AHNAK: variants seen among roughly 807,000 people sequenced by gnomAD.
AHNAK encodes neuroblast differentiation-associated protein AHNAK.
Under a neutral mutation model 37.8 loss-of-function variants are expected in AHNAK, and 23 were observed. That is an observed-to-expected ratio of 0.61 (90% CI 0.44 to 0.86). The LOEUF is 0.86. Among genes scored for constraint, AHNAK ranks in the 40% least tolerant of loss-of-function variants. The probability of loss-of-function intolerance (pLI) is 0.00; values close to 1 mark genes in which losing one functional copy is unlikely to be tolerated. For missense variants in AHNAK, 7,411 were observed against 7,319.4 expected (o/e 1.01, Z -0.46); for synonymous variants, 2,481 against 2,636.3 (o/e 0.94, Z 1.80).
Position 62,535,842 on chromosome 11 carries a change from C to T in AHNAK, c.154+103G>A, listed in dbSNP as rs945386281. On this transcript the variant is annotated intron_variant, in intron 3 of 4. Transcript: ENST00000378024. ...CCTGATGCCACTGGGAATGGGCCCT[C>T]GACAGCCACTCACCCACTTCTGCCT... 55 of 1,444,322 alleles carry T rather than the reference C, an allele frequency of 3.8e-5. No homozygotes were observed. In the East Asian group the frequency reaches 1.3e-3, roughly 33 times the overall value. 89.5% of individuals were successfully genotyped at this position (1,444,322 alleles called of 1,614,324 possible). A position where few individuals can be genotyped will look rare whatever the true frequency, so the allele number is the denominator to read the frequency against.
At chr11:62,487,226 C>T (rs1939412249) in intron 5 of AHNAK, among the ~76,000 whole-genome samples, 2 of 152,192 alleles carry the variant, frequency 1.3e-5, no homozygotes. Flanking sequence ...AAACGCTGCC[C>T]AGGCAATAGT....
At position 62,465,967 on chromosome 11, in the gene AHNAK, G is replaced by A. The variant is rs542267209; in HGVS notation, c.442+25765C>T. ...GAACAATAAGTGGCTGTTGTTCAAA[G>A]CCACTCAGTTTGTGATAATTATAGC... On this transcript the variant is annotated intron_variant, in intron 5 of 5. Coordinates refer to the AHNAK transcript ENST00000257247. 5.3e-5 allele frequency among the ~76,000 whole-genome samples: 8 copies of A among 152,290 alleles called. No individual in the cohort carries two copies. The East Asian group carries it at 1.5e-3, about 29-fold the overall frequency.
chr11:62,543,589 G>A (rs770615561), intron 1 of AHNAK, among the ~76,000 whole-genome samples: 1 of 152,180 alleles, frequency 6.6e-6, no homozygotes, highest in East Asian at 1.9e-4. Flanking sequence ...GGAGGAAAAG[G>A]GGCTTCATTC....
intron 5 of AHNAK, among the ~76,000 whole-genome samples, chr11:62,459,693 C>T (rs1392308083): frequency 6.6e-6 from 1 of 152,150 alleles, no homozygotes; most frequent in Non-Finnish European, 1.5e-5. Flanking sequence ...ACAAAAGAGC[C>T]TTAAGGCATC....
intron 5 of AHNAK, among the ~76,000 whole-genome samples, chr11:62,474,137 A>T (rs1939096400): frequency 2.0e-5 from 3 of 151,988 alleles, no homozygotes; most frequent in Admixed American, 2.0e-4. Flanking sequence ...TAAAAATTAG[A>T]AATGCAATGA....
chr11:62,445,366 AATGTTGTGGAATACTG>A (rs1484699107), intron 5 of AHNAK, among the ~76,000 whole-genome samples: 1 of 152,146 alleles, frequency 6.6e-6, no homozygotes, highest in Non-Finnish European at 1.5e-5. Context: ...ACCAGCTTTA[AATGTTGTGGAATACTG>A]AGCTCATATA....
At chr11:62,437,081 G>C (rs987715963) in intron 5 of AHNAK, among the ~76,000 whole-genome samples, 1 of 151,942 alleles carries the variant, frequency 6.6e-6, no homozygotes, top group Non-Finnish European at 1.5e-5. Context: ...ACCCCAAAAC[G>C]TTCCCTCATG....
chr11:62,525,472 T>A lies in AHNAK; in HGVS notation c.8945A>T (p.Asp2982Val), dbSNP rs1327059086. Residue 2982 changes from aspartate (D) to valine (V), a missense_variant, in exon 5 of 5, where the codon GAT becomes GTT. Transcript: ENST00000378024. ...LKGPKVKGDV[D>V]ISLPKVEGDL... The stretch of plus-strand genomic sequence containing the variant: ...ACCTTCCACTTTGGGCAGAGAAATA[T>A]CCACATCGCCCTTCACCTTGGGACC... 3.3e-5 allele frequency: 54 copies of A among 1,613,572 alleles called. 1 individual carries two copies. Among genetic ancestry groups the A allele is most frequent in the Non-Finnish European group, 4.6e-5 (54 of 1,179,948 alleles).
rs1357158439 is a variant in AHNAK at position 62,522,895 on chromosome 11, T to C, written c.11522A>G (p.Asp3841Gly). The C allele has an allele frequency of 3.1e-6, 5 of 1,613,136 alleles. No individual in the cohort carries two copies. Among genetic ancestry groups the C allele is most frequent in the African/African-American group, 1.3e-5 (1 of 74,552 alleles). The change falls in exon 5 of 5, where the codon GAC becomes GGC. Residue 3841 changes from aspartate (D) to glycine (G), a missense_variant. Physicochemically the swap from Asp to Gly is moderately conservative, Grantham distance 94 (BLOSUM62 -1). Coordinates refer to ENST00000378024, the MANE Select transcript of AHNAK (RefSeq NM_001620.3). ...GATATTCACATCTGGAACATCAATG[T>C]CCACCTTGGGTCCTGAGACATCAAG... ...ADLDVSGPKV[D>G]IDVPDVNIEG...
downstream of AHNAK, among the ~76,000 whole-genome samples, chr11:62,511,828 A>G (rs1295724899): frequency 5.3e-5 from 8 of 152,140 alleles, no homozygotes; most frequent in Admixed American, 2.0e-4. Flanking sequence ...AGCTGGGACT[A>G]CAGGCGAGTG....
rs1469414864 is a variant in AHNAK at position 62,528,093 on chromosome 11, A to G, written c.6324T>C (p.Pro2108=). Residue 2108 remains proline, a synonymous_variant, in exon 5 of 5, where the codon CCT becomes CCC. Transcript: ENST00000378024. ...GKLKGPKLKM[P]EMHFKAPKIS... ...TCTTGGGGGCCTTGAAGTGCATCTCAGGCATCTTAAGCTTGGGGCCCTTCA... is the reference window on the plus strand; with the variant it reads ...TCTTGGGGGCCTTGAAGTGCATCTCGGGCATCTTAAGCTTGGGGCCCTTCA... The G allele has an allele frequency of 6.2e-7, 1 of 1,611,930 alleles. No homozygotes were observed. Among genetic ancestry groups the G allele is most frequent in the Non-Finnish European group, 8.5e-7 (1 of 1,179,312 alleles).
Position 62,530,763 on chromosome 11 carries a change from G to T in AHNAK, c.3654C>A (p.Pro1218=), listed in dbSNP as rs1940711542. 1 of 1,611,752 alleles carries T rather than the reference G, an allele frequency of 6.2e-7. No homozygotes were observed. The highest frequency in any genetic ancestry group is 1.1e-5 in the South Asian group (1 of 90,978). ...GCACTTTCATTTCACCTTCTACCTT[G>T]GGCACAGACACATCCACATCCCCTT... ...KVKGDVDVSV[P]KVEGEMKVPD... The change falls in exon 5 of 5, where the codon CCC becomes CCA. Residue 1218 remains proline, a synonymous_variant. Transcript: ENST00000378024.
intron 5 of AHNAK, among the ~76,000 whole-genome samples, chr11:62,437,297 C>T (rs1479697692): frequency 1.3e-5 from 2 of 152,178 alleles, no homozygotes; most frequent in African/African-American, 2.4e-5. Context: ...TTTGGAGAAA[C>T]TTCTTTGAAC....
Position 62,526,474 on chromosome 11 carries a change from A to G in AHNAK, c.7943T>C (p.Met2648Thr), listed in dbSNP as rs771403807. 9 of 1,612,742 alleles carry G rather than the reference A, an allele frequency of 5.6e-6. No homozygotes were observed. The Admixed American group carries it at 1.5e-4, about 27-fold the overall frequency. Residue 2648 changes from methionine to threonine, a missense_variant, in exon 5 of 5, where the codon ATG becomes ACG. Met to Thr is a moderately conservative substitution (Grantham distance 81, BLOSUM62 -1). Coordinates refer to ENST00000378024, the MANE Select transcript of AHNAK (RefSeq NM_001620.3). ...MPKVKMPKFS[M>T]PGFKGEGPDG... The stretch of plus-strand genomic sequence containing the variant: ...TGGGCCCTCTCCTTTGAAGCCAGGC[A>G]TGCTGAACTTTGGCATTTTCACCTT...
At chr11:62,501,774 T>C (rs890386554) in intron 4 of AHNAK, among the ~76,000 whole-genome samples, 3 of 152,190 alleles carry the variant, frequency 2.0e-5, no homozygotes, top group African/African-American at 4.8e-5. Context: ...GGAGCCACTG[T>C]TGCTGTGTCT....
chr11:62,525,539 C>T lies in AHNAK; in HGVS notation c.8878G>A (p.Ala2960Thr). The change falls in exon 5 of 5, where the codon GCC becomes ACC. Residue 2960 changes from alanine (A) to threonine (T), a missense_variant. Transcript: ENST00000378024. ...KFKMPEMNIK[A>T]PKIPMPDFDL... Reference sequence around the variant, plus strand: ...AAGTCAGGCATGGGGATCTTGGGGGCTTTGATATTCATCTCTGGCATCTTG... The same window carrying T: ...AAGTCAGGCATGGGGATCTTGGGGGTTTTGATATTCATCTCTGGCATCTTG... 1 of 1,614,022 alleles carries T rather than the reference C, an allele frequency of 6.2e-7. No homozygotes were observed. Among genetic ancestry groups the T allele is most frequent in the Non-Finnish European group, 8.5e-7 (1 of 1,179,998 alleles).
chr11:62,455,854 T>A, intron 5 of AHNAK, among the ~76,000 whole-genome samples: 1 of 121,038 alleles, frequency 8.3e-6, no homozygotes, highest in African/African-American at 3.3e-5. Flanking sequence ...AACGAGCAAA[T>A]CTCCATCCCC....
chr11:62,493,001 C>A (rs1035078308), intron 4 of AHNAK, among the ~76,000 whole-genome samples: 21 of 136,514 alleles, frequency 1.5e-4, no homozygotes, highest in Admixed American at 1.4e-3. Context: ...CTACTGTTTT[C>A]TTTTCTTTTC....
rs748694899 is a variant in AHNAK, at chr11:62,533,691, C to T, written c.726G>A (p.Ser242=). The T allele has an allele frequency of 8.7e-6, 14 of 1,614,136 alleles. No individual in the cohort carries two copies. In the South Asian group the frequency reaches 9.9e-5, roughly 11 times the overall value. The part of the protein sequence containing the change: ...SGPELQGAGH[S]KLQVTMPGIK... ...TCCCAGGCATGGTGACCTGGAGCTT[C>T]GAGTGGCCAGCACCTTGGAGCTCTG... The change falls in exon 5 of 5, where the codon TCG becomes TCA. Residue 242 remains serine (S), a synonymous_variant. Transcript: ENST00000378024.
Sources: allele counts gnomAD v4.1 joint callset (sites outside exome capture counted in the v4.1 genomes callset), GRCh38; gene constraint gnomAD v4.1.1; transcripts MANE v1.5; gene names NCBI Gene and HGNC (gene_info 2026-07-23, HGNC 2026-07-21).